The following SERPINB12 variants were observed in gnomAD, a reference collection of about 807,000 sequenced individuals.
The protein encoded by SERPINB12 is serpin family B member 12.
In SERPINB12, 57 loss-of-function variants were observed where a neutral mutation model predicts 41.1. The observed-to-expected ratio is 1.39, with a 90% CI of 1.12 to 1.73. SERPINB12 has a LOEUF of 1.73. SERPINB12 is among the 40% of genes most tolerant of loss of function. The probability of loss-of-function intolerance (pLI) is 0.00; values close to 1 mark genes in which losing one functional copy is unlikely to be tolerated. For synonymous variants in SERPINB12, 180 were observed against 181.3 expected, an observed-to-expected ratio of 0.99 and a Z score of 0.06; for missense variants, 536 against 501.9, an observed-to-expected ratio of 1.07 and a Z score of -0.65.
At chr18:63,521,322 G>A in the SERPINB12 span, among the ~76,000 whole-genome samples, 2 of 152,188 alleles carry the variant, frequency 1.3e-5, no homozygotes, top group South Asian at 2.1e-4. Flanking sequence ...AAGCATCAGC[G>A]ATCAGTCATC....
chr18:63,540,240 T>C (rs1910246447), upstream of SERPINB12, among the ~76,000 whole-genome samples: 1 of 152,182 alleles, frequency 6.6e-6, no homozygotes, highest in Non-Finnish European at 1.5e-5. Flanking sequence ...GGTTGGTTAC[T>C]AGGTTTTAGG....
chr18:63,561,440 C>G (rs1414590940), intron 5 of SERPINB12, among the ~76,000 whole-genome samples: 4 of 152,182 alleles, frequency 2.6e-5, no homozygotes, highest in African/African-American at 9.7e-5. Flanking sequence ...CACTTATACA[C>G]TATTGGTGGG....
chr18:63,536,058 C>T, the SERPINB12 span, among the ~76,000 whole-genome samples: 1 of 151,646 alleles, frequency 6.6e-6, no homozygotes, highest in Non-Finnish European at 1.5e-5. Context: ...AATTGTAAAA[C>T]AAATGAGACA....
At chr18:63,529,338 C>T in the SERPINB12 span, among the ~76,000 whole-genome samples, 4,791 of 152,170 alleles carry the variant, frequency 0.031, 292 homozygotes, top group East Asian at 0.29. Context: ...GGACAGATGC[C>T]CCCAACGAAG....
chr18:63,565,484 C>T lies in SERPINB12; in HGVS notation c.745C>T (p.Leu249Phe), dbSNP rs376886257. ...KSVKMMTQKG[L>F]YRIGFIEEVK... ...TGTGAAGATGATGACGCAAAAAGGC[C>T]TCTACAGAATTGGCTTCATAGAGGA... Residue 249 changes from leucine to phenylalanine, a missense_variant, in exon 7 of 8, where the codon CTC (leucine) becomes TTC (phenylalanine). Leu to Phe is a conservative substitution (Grantham distance 22). Transcript: ENST00000382768. 13 of 1,613,794 alleles carry T rather than the reference C, an allele frequency of 8.1e-6. No homozygotes were observed. In the African/African-American group the frequency reaches 1.2e-4, roughly 15 times the overall value.
At chr18:63,526,452 T>G in the SERPINB12 span, among the ~76,000 whole-genome samples, 2 of 152,178 alleles carry the variant, frequency 1.3e-5, no homozygotes, top group African/African-American at 2.4e-5. Context: ...GGATTACAGA[T>G]GTGAGTCATG....
At position 63,568,541 on chromosome 18, in the gene SERPINB12, G is replaced by T. The variant is rs947128935; in HGVS notation, c.*1530G>T. ...CCTCTGTTCTCTGGTGTGGTAATCT[G>T]AGTTCCTAATTTCTATCTTAGCTGA... is the stretch of plus-strand genomic sequence containing the variant. On this transcript the variant is annotated 3_prime_UTR_variant, in exon 8 of 8. Coordinates refer to ENST00000382768, the MANE Select transcript of SERPINB12 (RefSeq NM_001307928.2). 1.6e-4 allele frequency among the ~76,000 whole-genome samples: 24 copies of T among 152,172 alleles called. No homozygotes were observed. Among genetic ancestry groups the T allele is most frequent in the African/African-American group, 5.8e-4 (24 of 41,432 alleles).
chr18:63,531,005 G>A, the SERPINB12 span, among the ~76,000 whole-genome samples: 7 of 151,888 alleles, frequency 4.6e-5, no homozygotes, highest in African/African-American at 1.5e-4. Flanking sequence ...TGCATGGCTC[G>A]AAAAAAACAA....
chr18:63,533,071 G>A, the SERPINB12 span, among the ~76,000 whole-genome samples: 5 of 151,906 alleles, frequency 3.3e-5, no homozygotes, highest in Admixed American at 3.3e-4. Context: ...TCCACCTCCC[G>A]GGTTCTAGGG....
chr18:63,561,556 T>G (rs570615276), intron 5 of SERPINB12, among the ~76,000 whole-genome samples: 16 of 152,208 alleles, frequency 1.1e-4, no homozygotes, highest in African/African-American at 3.6e-4. Flanking sequence ...TCCAAAGAAA[T>G]AGAGATCATT....
chr18:63,529,294 A>T, the SERPINB12 span, among the ~76,000 whole-genome samples: 1 of 152,220 alleles, frequency 6.6e-6, no homozygotes, highest in African/African-American at 2.4e-5. Flanking sequence ...AATAGCAAGG[A>T]TGGCATCAGT....
intron 1 of SERPINB12, among the ~76,000 whole-genome samples, chr18:63,545,013 T>C (rs1483472366): frequency 6.6e-6 from 1 of 152,174 alleles, no homozygotes; most frequent in Non-Finnish European, 1.5e-5. Context: ...TCATTTTGCA[T>C]CATAAACTGG....
At position 63,542,849 on chromosome 18, in the gene SERPINB12, G is replaced by A. The variant is rs541957588; in HGVS notation, c.-19+357G>A. Among the ~76,000 whole-genome samples, 35 of 152,162 alleles carry A rather than the reference G, an allele frequency of 2.3e-4. No individual in the cohort carries two copies. The East Asian group carries it at 6.2e-3, about 27-fold the overall frequency. ...TGTTATTCCTTTTTTATGTCCATATGTTCTCAATGTTTAGCTCCCACTTAT... is the reference window on the plus strand; with the variant it reads ...TGTTATTCCTTTTTTATGTCCATATATTCTCAATGTTTAGCTCCCACTTAT... On this transcript the variant is annotated intron_variant, in intron 1 of 7. Coordinates refer to ENST00000382768, the MANE Select transcript of SERPINB12 (RefSeq NM_001307928.2).
At chr18:63,530,359 T>G in the SERPINB12 span, among the ~76,000 whole-genome samples, 2 of 152,202 alleles carry the variant, frequency 1.3e-5, no homozygotes, top group Non-Finnish European at 2.9e-5. Context: ...GTGCTGATGT[T>G]TGTTAATGTA....
At chr18:63,562,815 T>C (rs564174226) in intron 5 of SERPINB12, among the ~76,000 whole-genome samples, 5 of 152,334 alleles carry the variant, frequency 3.3e-5, no homozygotes, top group Non-Finnish European at 7.4e-5. Context: ...TCTATTATTA[T>C]GGGATTTAAA....
At chr18:63,560,960 T>C (rs1412631049) in intron 4 of SERPINB12, 125 bp from the exon 5 acceptor site, 2 of 692,534 alleles carry the variant, frequency 2.9e-6, no homozygotes, top group South Asian at 3.6e-5. Context: ...GTCAGGCCTG[T>C]CCATGAAATG....
At chr18:63,525,497 G>A in the SERPINB12 span, among the ~76,000 whole-genome samples, 1 of 152,084 alleles carries the variant, frequency 6.6e-6, no homozygotes, top group Non-Finnish European at 1.5e-5. Flanking sequence ...AGAGTCAAAT[G>A]TATTTAGTTG....
At chr18:63,529,441 A>G in the SERPINB12 span, among the ~76,000 whole-genome samples, 1 of 152,014 alleles carries the variant, frequency 6.6e-6, no homozygotes, top group Admixed American at 6.6e-5. Flanking sequence ...GTGTGTGAGA[A>G]CCTATCTTCA....
Position 63,569,009 on chromosome 18 carries a change from C to T in SERPINB12, c.*1998C>T, listed in dbSNP as rs543460153. 2.0e-5 allele frequency among the ~76,000 whole-genome samples: 3 copies of T among 152,228 alleles called. No individual in the cohort carries two copies. Among genetic ancestry groups the T allele is most frequent in the Non-Finnish European group, 2.9e-5 (2 of 68,022 alleles). ...CCCCTGTGGTTCCTTTTGGGGTTGA[C>T]GTTTTGGGGGCTGTTTCCATGTCTG... On this transcript the variant is annotated 3_prime_UTR_variant, in exon 8 of 8. Coordinates refer to ENST00000382768, the MANE Select transcript of SERPINB12 (RefSeq NM_001307928.2).
Sources: gnomAD v4.1 joint callset for allele counts (sites outside exome capture counted in the v4.1 genomes callset) on GRCh38, gnomAD v4.1.1 for gene constraint, MANE v1.5 for transcripts, NCBI Gene and HGNC (gene_info 2026-07-23, HGNC 2026-07-21) for gene names.